ABCC12: variants seen among roughly 807,000 people sequenced by gnomAD.
ABCC12 encodes ATP binding cassette subfamily C member 12, also known as ATP-binding cassette sub-family C member 12.
ABCC12 carries 142 observed loss-of-function variants against 151.1 expected under a neutral mutation model. The observed-to-expected ratio is 0.94, with a 90% CI of 0.82 to 1.08. ABCC12 has a LOEUF of 1.08. Ranked by LOEUF, ABCC12 falls within the 50% of genes least tolerant of loss-of-function variation. ABCC12 has a pLI of 0.00. For missense variants in ABCC12, 1,638 were observed against 1,691.1 expected, an observed-to-expected ratio of 0.97 and a Z score of 0.55; for synonymous variants, 645 against 646.4, an observed-to-expected ratio of 1.00 and a Z score of 0.03.
intron 2 of ABCC12, among the ~76,000 whole-genome samples, chr16:48,151,788 G>C (rs912545414): frequency 3.3e-5 from 5 of 152,202 alleles, no homozygotes; most frequent in Admixed American, 1.3e-4. Context: ...TGTAATATCT[G>C]ATCATAAGTT....
Position 48,121,755 on chromosome 16 carries a change from C to T in ABCC12, c.1673G>A (p.Arg558Lys), listed in dbSNP as rs1265034121. 6.2e-7 allele frequency: 1 copy of T among 1,614,170 alleles called. No individual in the cohort carries two copies. Among genetic ancestry groups the T allele is most frequent in the Non-Finnish European group, 8.5e-7 (1 of 1,180,018 alleles). The change falls in exon 13 of 31, where the codon AGA becomes AAA. Residue 558 changes from arginine (R) to lysine (K), a missense_variant. Physicochemically the swap from Arg to Lys is conservative, Grantham distance 26. Transcript: ENST00000311303. ...CTTTTCTCCAAAGAGTATGTTTTCT[C>T]TCACATTTCCATGAAAGATCCATGC... ...QQAWIFHGNV[R>K]ENILFGEKYD...
chr16:48,081,647 G>A lies in ABCC12; in HGVS notation c.*2068C>T, dbSNP rs1962348286. Among the ~76,000 whole-genome samples the A allele has an allele frequency of 6.6e-6, 1 of 152,200 alleles. No homozygotes were observed. The highest frequency in any genetic ancestry group is 2.4e-5 in the African/African-American group (1 of 41,454). ...GAAATAATTCATGGAAAAAATGCTT[G>A]TCACAGTCCTGGCACACTGCAAGGT... On this transcript the variant is annotated 3_prime_UTR_variant, in exon 31 of 31. Transcript: ENST00000311303.
In ABCC12 at chr16:48,083,890, C is replaced by T. The variant is rs765349844; in HGVS notation, c.3993+19G>A. 8.1e-6 allele frequency: 13 copies of T among 1,612,256 alleles called. No individual in the cohort carries two copies. Among genetic ancestry groups the T allele is most frequent in the Non-Finnish European group, 1.0e-5 (12 of 1,179,566 alleles). On this transcript the variant is annotated intron_variant, in intron 30 of 30. Coordinates refer to ENST00000311303, the MANE Select transcript of ABCC12 (RefSeq NM_001393797.1). ...CACTGGACTTTCTGGGGAGGTGAAG[C>T]CAAAAGAGCTTCCTATACCTTCCCA...
chr16:48,131,462 C>T (rs1261031780), intron 9 of ABCC12, among the ~76,000 whole-genome samples: 2 of 152,104 alleles, frequency 1.3e-5, no homozygotes, highest in Non-Finnish European at 2.9e-5. Flanking sequence ...CACACAAGGC[C>T]AGATTTGAGA....
intron 4 of ABCC12, among the ~76,000 whole-genome samples, chr16:48,142,012 G>A (rs569115095): frequency 6.6e-6 from 1 of 152,310 alleles, no homozygotes; most frequent in South Asian, 2.1e-4. Flanking sequence ...AGGTGGCAGT[G>A]GAATTAAAGA....
intron 13 of ABCC12, 47 bp from the exon 14 acceptor site, chr16:48,117,380 C>T: frequency 6.3e-7 from 1 of 1,597,056 alleles, no homozygotes; most frequent in East Asian, 2.2e-5. Flanking sequence ...AGACCCCAAG[C>T]ACTGCTGCCC....
chr16:48,140,967 G>A, intron 5 of ABCC12, 47 bp from the exon 6 acceptor site: 3 of 1,563,560 alleles, frequency 1.9e-6, no homozygotes, highest in Non-Finnish European at 2.6e-6. Flanking sequence ...TGAGGGCTGA[G>A]GCTGGCATAG....
intron 4 of ABCC12, among the ~76,000 whole-genome samples, 194 bp from the exon 5 acceptor site, chr16:48,141,547 A>C (rs1964816363): frequency 6.6e-6 from 1 of 152,192 alleles, no homozygotes; most frequent in Admixed American, 6.5e-5. Context: ...CAATGCCTAG[A>C]TACAAGCTGG....
chr16:48,088,081 C>T lies in ABCC12; in HGVS notation c.3480G>A (p.Lys1160=). ...VGIVGRTGSG[K]SSLGMALFRL... is the part of the protein sequence containing the mutation. ...GAAACAAAGCCATTCCTAACGATGACTTTCCTGGGAACCATAAAAGTAAGA... is the reference window on the plus strand; with the variant it reads ...GAAACAAAGCCATTCCTAACGATGATTTTCCTGGGAACCATAAAAGTAAGA... Residue 1160 remains lysine, a synonymous_variant, in exon 27 of 31, where the codon AAG becomes AAA. Coordinates refer to ENST00000311303, the MANE Select transcript of ABCC12 (RefSeq NM_001393797.1). 1.9e-6 allele frequency: 3 copies of T among 1,613,398 alleles called. No homozygotes were observed. Among genetic ancestry groups the T allele is most frequent in the Non-Finnish European group, 2.5e-6 (3 of 1,179,592 alleles).
chr16:48,134,453 T>C (rs1335867357), intron 8 of ABCC12, among the ~76,000 whole-genome samples: 1 of 152,218 alleles, frequency 6.6e-6, no homozygotes, highest in East Asian at 1.9e-4. Context: ...TTTGGTTCCC[T>C]ATAGAAACTA....
rs777713109 is a variant in ABCC12 at position 48,111,678 on chromosome 16, AATT to A, written c.2125-19_2125-17del. ...GTTCAGGATCCTGGAGACAAAATGA[AATT>A]CCTTCTGAATGCTAAGTGACAGGAC... On this transcript the variant is annotated splice_polypyrimidine_tract_variant and intron_variant, in intron 16 of 30. Transcript: ENST00000311303. 14 of 1,613,982 alleles carry A rather than the reference AATT, an allele frequency of 8.7e-6. No individual in the cohort carries two copies. The highest frequency in any genetic ancestry group is 1.2e-5 in the Non-Finnish European group (14 of 1,180,026).
chr16:48,113,225 G>C lies in ABCC12; in HGVS notation c.1990-1315C>G, dbSNP rs1461638470. Among the ~76,000 whole-genome samples, 4 of 152,186 alleles carry C rather than the reference G, an allele frequency of 2.6e-5. No individual in the cohort carries two copies. In the East Asian group the frequency reaches 7.7e-4, roughly 29 times the overall value. The stretch of plus-strand genomic sequence containing the variant: ...GGGCGAGTTGGGAGGGTGCCCAAAG[G>C]CTGAATGATAACAGTTCTAACAGCT... On this transcript the variant is annotated intron_variant, in intron 15 of 30. Coordinates refer to ENST00000311303, the MANE Select transcript of ABCC12 (RefSeq NM_001393797.1).
chr16:48,111,397 C>A, intron 18 of ABCC12, 39 bp downstream of exon 18: 1 of 1,599,248 alleles, frequency 6.3e-7, no homozygotes, highest in Non-Finnish European at 8.6e-7. Context: ...CCCAATACAT[C>A]CTTAAGTGTA....
In ABCC12 at chr16:48,128,503, T is replaced by C. The variant is rs1478971377; in HGVS notation, c.1471A>G (p.Ser491Gly). ...GATGPEEQSD[S>G]LKSVLHSISF... ...ATGCTGTGCAGAACCGATTTGAGGCTGTCACTTTGCTCCTCTGGGCCAGTG... is the reference window on the plus strand; with the variant it reads ...ATGCTGTGCAGAACCGATTTGAGGCCGTCACTTTGCTCCTCTGGGCCAGTG... The change falls in exon 11 of 31, where the codon AGC (serine) becomes GGC (glycine). Residue 491 changes from serine to glycine, a missense_variant. Ser to Gly is a moderately conservative substitution (Grantham distance 56). Coordinates refer to ENST00000311303, the MANE Select transcript of ABCC12 (RefSeq NM_001393797.1). The C allele has an allele frequency of 1.9e-6, 3 of 1,614,138 alleles. No homozygotes were observed. Among genetic ancestry groups the C allele is most frequent in the Non-Finnish European group, 2.5e-6 (3 of 1,180,058 alleles).
intron 2 of ABCC12, among the ~76,000 whole-genome samples, chr16:48,151,814 G>A (rs561484290): frequency 1.3e-5 from 2 of 152,202 alleles, no homozygotes; most frequent in African/African-American, 2.4e-5. Context: ...ATCTAAAGCC[G>A]AAAGCAGGCT....
intron 6 of ABCC12, among the ~76,000 whole-genome samples, chr16:48,140,230 T>C (rs1964757952): frequency 1.3e-5 from 2 of 148,188 alleles, no homozygotes; most frequent in African/African-American, 5.3e-5. Context: ...TGTTTTTTGT[T>C]TTTGATAAGT....
At chr16:48,093,367 C>G (rs531451163) in intron 24 of ABCC12, among the ~76,000 whole-genome samples, 7 of 152,196 alleles carry the variant, frequency 4.6e-5, no homozygotes, top group African/African-American at 7.2e-5. Context: ...TACCGCTGAG[C>G]CTTTCCCTGA....
chr16:48,093,849 A>G lies in ABCC12; in HGVS notation c.3196-2640T>C, dbSNP rs114828639. Among the ~76,000 whole-genome samples, 5 of 152,360 alleles carry G rather than the reference A, an allele frequency of 3.3e-5. No individual in the cohort carries two copies. In the East Asian group the frequency reaches 7.7e-4, roughly 23 times the overall value. ...TGCTTATTCTCCTACGTGATGTGAT[A>G]TGATGTCACTTTGCATTCACTTTCT... On this transcript the variant is annotated intron_variant, in intron 24 of 30. Coordinates refer to ENST00000311303, the MANE Select transcript of ABCC12 (RefSeq NM_001393797.1).
At chr16:48,112,321 C>T (rs528988311) in intron 15 of ABCC12, among the ~76,000 whole-genome samples, 8 of 152,170 alleles carry the variant, frequency 5.3e-5, no homozygotes, top group Non-Finnish European at 8.8e-5. Flanking sequence ...CATGGCCAGG[C>T]GCAGTGGCTC....
Sources: gnomAD v4.1 joint callset for allele counts (sites outside exome capture counted in the v4.1 genomes callset) on GRCh38, gnomAD v4.1.1 for gene constraint, MANE v1.5 for transcripts, NCBI Gene and HGNC (gene_info 2026-07-23, HGNC 2026-07-21) for gene names.